Variants in GLP2R observed in about 807,000 individuals in gnomAD.
GLP2R encodes glucagon-like peptide 2 receptor.
In GLP2R, 59 loss-of-function variants were observed where a neutral mutation model predicts 68.2. The ratio of observed to expected loss-of-function variants is 0.87; its 90% CI spans 0.70 to 1.07. The LOEUF (loss-of-function observed/expected upper bound fraction) is 1.07. Ranked by LOEUF, GLP2R falls within the 50% of genes least tolerant of loss-of-function variation. The probability of loss-of-function intolerance (pLI) is 0.00; values close to 1 mark genes in which losing one functional copy is unlikely to be tolerated. For missense variants in GLP2R, 548 were observed against 677.4 expected (o/e 0.81, Z 2.12); for synonymous variants, 270 against 265.4 (o/e 1.02, Z -0.17).
intron 10 of GLP2R, among the ~76,000 whole-genome samples, chr17:9,871,212 A>G (rs1437298779): frequency 6.6e-6 from 1 of 152,094 alleles, no homozygotes; most frequent in African/African-American, 2.4e-5. Flanking sequence ...TACCAAAAAT[A>G]CAAAAGTTAG....
chr17:9,866,089 A>C, intron 9 of GLP2R: 1 of 343,990 alleles, frequency 2.9e-6, no homozygotes, highest in Non-Finnish European at 5.7e-6. Flanking sequence ...AGAGAGTGGA[A>C]TTTATGTGTC....
intron 10 of GLP2R, 63 bp downstream of exon 10, chr17:9,870,898 C>T: frequency 1.2e-6 from 1 of 807,546 alleles, no homozygotes; most frequent in Non-Finnish European, 2.2e-6. Flanking sequence ...GGCTGTTCTG[C>T]CCGCTGTCTT....
At position 9,880,435 on chromosome 17, in the gene GLP2R, C is replaced by T. The variant is rs1252978006; in HGVS notation, c.1203C>T (p.Phe401=). The T allele has an allele frequency of 1.2e-6, 2 of 1,600,244 alleles. No individual in the cohort carries two copies. Among genetic ancestry groups the T allele is most frequent in the Non-Finnish European group, 1.7e-6 (2 of 1,169,004 alleles). Residue 401 remains phenylalanine, a synonymous_variant, in exon 11 of 13, where the codon TTC becomes TTT. Transcript: ENST00000262441. ...TATTGGGCGTTCATGAGATCCTCTT[C>T]TCTTTCATCACTGATGATCAAGTTG... The part of the protein sequence containing the change: ...IPLLGVHEIL[F]SFITDDQVEG...
intron 1 of GLP2R, among the ~76,000 whole-genome samples, chr17:9,828,207 G>A (rs1262045469): frequency 6.6e-6 from 1 of 152,144 alleles, no homozygotes; most frequent in Non-Finnish European, 1.5e-5. Context: ...GGCCCTCATG[G>A]ATTGTAAATG....
chr17:9,855,618 G>A (rs756812223), intron 5 of GLP2R, among the ~76,000 whole-genome samples: 6 of 152,328 alleles, frequency 3.9e-5, no homozygotes, highest in African/African-American at 7.2e-5. Context: ...ACTCCTAAGC[G>A]CATTACATGC....
At chr17:9,854,823 A>G (rs2066921368) in intron 5 of GLP2R, among the ~76,000 whole-genome samples, 1 of 152,202 alleles carries the variant, frequency 6.6e-6, no homozygotes, top group South Asian at 2.1e-4. Flanking sequence ...AATTAGGCAC[A>G]GTGAGAGATT....
chr17:9,880,255 G>A, intron 10 of GLP2R, 123 bp from the exon 11 acceptor site: 2 of 656,708 alleles, frequency 3.0e-6, no homozygotes, highest in South Asian at 2.3e-5. Flanking sequence ...TAGTGAAGGA[G>A]ACCATCTGGG....
At chr17:9,833,656 A>T (rs917018057) in intron 1 of GLP2R, 151 bp from the exon 2 acceptor site, 2 of 596,808 alleles carry the variant, frequency 3.4e-6, no homozygotes, top group Non-Finnish European at 6.0e-6. Context: ...TACTCTTAAG[A>T]TAGAACATAA....
At chr17:9,866,156 C>G (rs1597395021) in intron 9 of GLP2R, 2 of 327,822 alleles carry the variant, frequency 6.1e-6, no homozygotes, top group Non-Finnish European at 1.2e-5. Flanking sequence ...AAGAGGCAGG[C>G]TAGGAGTCAG....
chr17:9,853,822 C>T (rs1214953892), intron 4 of GLP2R, among the ~76,000 whole-genome samples: 1 of 152,194 alleles, frequency 6.6e-6, no homozygotes, highest in Non-Finnish European at 1.5e-5. Flanking sequence ...TACATGAACT[C>T]TCCAGAAAAT....
At chr17:9,881,808 G>A (rs2067198984) in intron 11 of GLP2R, among the ~76,000 whole-genome samples, 1 of 152,152 alleles carries the variant, frequency 6.6e-6, no homozygotes, top group Non-Finnish European at 1.5e-5. Context: ...ATGAATGCTG[G>A]GAGGGGCAGC....
At chr17:9,859,442 T>C (rs143505084) in intron 6 of GLP2R, among the ~76,000 whole-genome samples, 15 of 152,036 alleles carry the variant, frequency 9.9e-5, no homozygotes, top group African/African-American at 3.4e-4. Context: ...CTTCATATTT[T>C]GATATTATTG....
intron 11 of GLP2R, among the ~76,000 whole-genome samples, chr17:9,885,026 G>A (rs2067230047): frequency 6.6e-6 from 1 of 152,060 alleles, no homozygotes; most frequent in Non-Finnish European, 1.5e-5. Context: ...GGAGCTATGT[G>A]AGGCAGATTT....
intron 5 of GLP2R, 115 bp downstream of exon 5, chr17:9,854,716 C>T: frequency 1.4e-6 from 1 of 720,862 alleles, no homozygotes; most frequent in East Asian, 2.5e-5. Flanking sequence ...TAGAACGAAA[C>T]ATAGTGTTCA....
At position 9,889,892 on chromosome 17, in the gene GLP2R, C is replaced by T. The variant is rs892740916; in HGVS notation, c.*187C>T. On this transcript the variant is annotated 3_prime_UTR_variant, in exon 13 of 13. Transcript: ENST00000262441. ...TGAAAGAGGCTGTGTGTCATGCTCA[C>T]AGCCTCTGCCTGCTCTTCTCATCCT... The T allele has an allele frequency of 4.7e-5, 30 of 642,044 alleles. No individual in the cohort carries two copies. The highest frequency in any genetic ancestry group is 2.7e-4 in the African/African-American group (15 of 55,262). 39.8% of individuals were successfully genotyped at this position (642,044 alleles called of 1,614,324 possible).
chr17:9,880,185 G>T (rs115525273), intron 10 of GLP2R, among the ~76,000 whole-genome samples, 193 bp from the exon 11 acceptor site: 10 of 152,152 alleles, frequency 6.6e-5, no homozygotes, highest in Admixed American at 3.9e-4. Context: ...TTCCCCATGC[G>T]TCAAGTGTAG....
Position 9,891,802 on chromosome 17 carries a change from C to T in GLP2R, c.*2097C>T, listed in dbSNP as rs901728875. On this transcript the variant is annotated 3_prime_UTR_variant, in exon 13 of 13. Transcript: ENST00000262441. ...TTCTGCAAATGTCCCTGCCTCGGCTCATCAGCCAATTAGCTCCTAGAAAGC... is the reference window on the plus strand; with the variant it reads ...TTCTGCAAATGTCCCTGCCTCGGCTTATCAGCCAATTAGCTCCTAGAAAGC... 1.3e-5 allele frequency: 2 copies of T among 152,158 alleles called. No homozygotes were observed. Among genetic ancestry groups the T allele is most frequent in the Non-Finnish European group, 2.9e-5 (2 of 68,028 alleles). The allele number at this position is 152,158 out of a possible 1,614,324, so 9.4% of individuals were successfully genotyped here.
At position 9,860,120 on chromosome 17, in the gene GLP2R, A is replaced by G. The variant is rs2066974628; in HGVS notation, c.925+19A>G. ...GGTTGGGGTGAGTGACCTGACCTTCAGCTTCCTTTCCTGGGGATCCATCAA... is the reference window on the plus strand; with the variant it reads ...GGTTGGGGTGAGTGACCTGACCTTCGGCTTCCTTTCCTGGGGATCCATCAA... On this transcript the variant is annotated intron_variant, in intron 7 of 12. Transcript: ENST00000262441. The G allele has an allele frequency of 6.4e-7, 1 of 1,563,874 alleles. No homozygotes were observed. Among genetic ancestry groups the G allele is most frequent in the Non-Finnish European group, 8.7e-7 (1 of 1,152,804 alleles).
chr17:9,853,764 C>G (rs1463222209), intron 4 of GLP2R, among the ~76,000 whole-genome samples: 1 of 152,112 alleles, frequency 6.6e-6, no homozygotes, highest in African/African-American at 2.4e-5. Context: ...CTATTTAACT[C>G]CAATGGTGAA....
Sources: allele counts gnomAD v4.1 joint callset (sites outside exome capture counted in the v4.1 genomes callset), GRCh38; gene constraint gnomAD v4.1.1; transcripts MANE v1.5; gene names NCBI Gene and HGNC (gene_info 2026-07-23, HGNC 2026-07-21).